Variants in MTFR1L observed in about 807,000 individuals in gnomAD.
MTFR1L encodes the protein mitochondrial fission regulator 1-like.
Under a neutral mutation model 27.9 loss-of-function variants are expected in MTFR1L, and 10 were observed. The observed-to-expected ratio is 0.36, with a 90% CI of 0.22 to 0.61. The LOEUF is 0.61. Among genes scored for constraint, MTFR1L ranks in the 20% least tolerant of loss-of-function variants. The probability of loss-of-function intolerance (pLI) is 0.73; values close to 1 mark genes in which losing one functional copy is unlikely to be tolerated. For missense variants in MTFR1L, 315 were observed against 363.7 expected (o/e 0.87, Z 1.09); for synonymous variants, 151 against 139.4 (o/e 1.08, Z -0.58).
chr1:25,822,747 C>T (rs571799856), intron 1 of MTFR1L: 15 of 539,248 alleles, frequency 2.8e-5, no homozygotes, highest in Admixed American at 2.3e-4. Flanking sequence ...AGGATGGTCT[C>T]GCTCTCCTGA....
chr1:25,829,889 A>T, intron 6 of MTFR1L, 59 bp downstream of exon 6: 2 of 1,381,972 alleles, frequency 1.4e-6, no homozygotes, highest in South Asian at 2.7e-5. Context: ...ATGGCCAATT[A>T]TGTAATGCAA....
chr1:25,829,021 A>T (rs1171207608), intron 5 of MTFR1L, among the ~76,000 whole-genome samples: 1 of 152,168 alleles, frequency 6.6e-6, no homozygotes, highest in Non-Finnish European at 1.5e-5. Flanking sequence ...AAACTGAGGA[A>T]ATTCTCTCCA....
chr1:25,831,862 A>AAAGAT, intron 6 of MTFR1L, 59 bp from the exon 7 acceptor site: 1 of 1,356,898 alleles, frequency 7.4e-7, no homozygotes, highest in Non-Finnish European at 1.1e-6. Context: ...AATGTATTCA[A>AAAGAT]AAGATATACA....
chr1:25,825,486 A>G (rs1348599130), intron 3 of MTFR1L: 2 of 152,112 alleles, frequency 1.3e-5, no homozygotes, highest in Non-Finnish European at 2.9e-5. Flanking sequence ...ACTGAATCCT[A>G]ATTTTTCACT....
chr1:25,824,955 C>A (rs899716341), intron 3 of MTFR1L, among the ~76,000 whole-genome samples: 1 of 152,092 alleles, frequency 6.6e-6, no homozygotes, highest in Non-Finnish European at 1.5e-5. Context: ...ATTTACTGAG[C>A]ACATACTATG....
At chr1:25,827,373 T>A (rs1282115262) in intron 5 of MTFR1L, among the ~76,000 whole-genome samples, 1 of 152,042 alleles carries the variant, frequency 6.6e-6, no homozygotes, top group Non-Finnish European at 1.5e-5. Context: ...TGACCTCAGA[T>A]GACCCACCCA....
In MTFR1L at chr1:25,829,627, C is replaced by T. The variant is rs199554729; in HGVS notation, c.570C>T (p.Thr190=). ...CTTCCTTTGTCATTAGTGACATCAC[C>T]GAGGAGACAGAGGTGGAGGTCCCTG... The part of the protein sequence containing the change: ...STTSFVISDI[T]EETEVEVPEL... The change falls in exon 6 of 7, where the codon ACC becomes ACT. Residue 190 remains threonine (T), a synonymous_variant. Coordinates refer to ENST00000374303, the MANE Select transcript of MTFR1L (RefSeq NM_001099625.2). The T allele has an allele frequency of 4.3e-4, 698 of 1,614,192 alleles. No homozygotes were observed. The highest frequency in any genetic ancestry group is 5.5e-4 in the Non-Finnish European group (653 of 1,180,036).
intron 6 of MTFR1L, 149 bp downstream of exon 6, chr1:25,829,979 C>CT: frequency 1.2e-6 from 1 of 848,732 alleles, no homozygotes; most frequent in South Asian, 1.9e-5. Context: ...TTGCCAGTGC[C>CT]TGGGGCCCCA....
At position 25,832,256 on chromosome 1, in the gene MTFR1L, G is replaced by A. The variant is rs1024109992; in HGVS notation, c.*230G>A. The A allele has an allele frequency of 4.9e-5, 63 of 1,285,932 alleles. No individual in the cohort carries two copies. Among genetic ancestry groups the A allele is most frequent in the Non-Finnish European group, 5.8e-5 (54 of 926,746 alleles). The allele number at this position is 1,285,932 out of a possible 1,614,324, so 79.7% of individuals were successfully genotyped here. A position where few individuals can be genotyped will look rare whatever the true frequency, so the allele number is the denominator to read the frequency against. On this transcript the variant is annotated 3_prime_UTR_variant, in exon 7 of 7. Coordinates refer to ENST00000374303, the MANE Select transcript of MTFR1L (RefSeq NM_001099625.2). The stretch of plus-strand genomic sequence containing the variant: ...CCTGAGACATTTGTTTCAGGTAATC[G>A]TGTAGAATGAAGTATCTTAGTTTAA...
In MTFR1L at chr1:25,826,515, A is replaced by G; in HGVS notation, c.240-100A>G. On this transcript the variant is annotated intron_variant, in intron 4 of 6. Coordinates refer to ENST00000374303, the MANE Select transcript of MTFR1L (RefSeq NM_001099625.2). The surrounding 1 kb of genome is among the most constrained non-coding windows in gnomAD (Gnocchi z 4.1). ...GAGAACTGTGGGCTCAGAGAGGAGC[A>G]GAACCTTACTATACTACTCTCACAG... is the stretch of plus-strand genomic sequence containing the variant. 1.3e-6 allele frequency: 2 copies of G among 1,578,546 alleles called. No homozygotes were observed. The highest frequency in any genetic ancestry group is 1.7e-6 in the Non-Finnish European group (2 of 1,148,946).
intron 1 of MTFR1L, 128 bp from the exon 2 acceptor site, chr1:25,822,891 T>C: frequency 1.4e-6 from 1 of 712,902 alleles, no homozygotes; most frequent in South Asian, 1.6e-5. Flanking sequence ...GGGCAGCCTC[T>C]TGGGCTGGTT....
chr1:25,823,334 C>T, intron 2 of MTFR1L: 1 of 726,944 alleles, frequency 1.4e-6, no homozygotes, highest in Non-Finnish European at 2.5e-6. Flanking sequence ...GTATGTCTGC[C>T]TTTCTGTACA....
chr1:25,832,047 T>G lies in MTFR1L; in HGVS notation c.*21T>G. 1.2e-6 allele frequency: 2 copies of G among 1,614,050 alleles called. No homozygotes were observed. Among genetic ancestry groups the G allele is most frequent in the East Asian group, 4.5e-5 (2 of 44,882 alleles). The stretch of plus-strand genomic sequence containing the variant: ...ATTGACAACCCTCAGCTCTGCAAAC[T>G]CAGTCTCATGCTCCTGGAATACCTT... On this transcript the variant is annotated 3_prime_UTR_variant, in exon 7 of 7. Coordinates refer to ENST00000374303, the MANE Select transcript of MTFR1L (RefSeq NM_001099625.2).
intron 1 of MTFR1L, chr1:25,822,793 T>C (rs1260918792): frequency 1.7e-6 from 1 of 596,074 alleles, no homozygotes; most frequent in East Asian, 2.8e-5. Context: ...CCCAAAGTGC[T>C]GGGATTACAG....
chr1:25,820,839 T>C (rs2048080914), intron 1 of MTFR1L: 2 of 389,288 alleles, frequency 5.1e-6, no homozygotes, highest in Middle Eastern at 3.9e-4. Flanking sequence ...AGTTATCTAG[T>C]TCCTCTCGCG....
intron 1 of MTFR1L, chr1:25,821,633 G>A (rs2048093721): frequency 1.3e-5 from 2 of 152,324 alleles, no homozygotes; most frequent in African/African-American, 4.8e-5. Context: ...CCTGTCCAGG[G>A]CTCCCCAGTG....
intron 6 of MTFR1L, among the ~76,000 whole-genome samples, chr1:25,830,486 ACTT>A (rs1340176628): frequency 6.6e-6 from 1 of 152,002 alleles, no homozygotes; most frequent in African/African-American, 2.4e-5. Flanking sequence ...ACCTTGAAAA[ACTT>A]CATCTGGCAA....
At position 25,832,116 on chromosome 1, in the gene MTFR1L, A is replaced by C; in HGVS notation, c.*90A>C. 13 of 1,604,034 alleles carry C rather than the reference A, an allele frequency of 8.1e-6. No homozygotes were observed. Among genetic ancestry groups the C allele is most frequent in the African/African-American group, 1.3e-5 (1 of 74,894 alleles). On this transcript the variant is annotated 3_prime_UTR_variant, in exon 7 of 7. Coordinates refer to ENST00000374303, the MANE Select transcript of MTFR1L (RefSeq NM_001099625.2). ...CCGCAGATGTTTCTGCCTCTTAAGG[A>C]TAGATCTTCTGCAACAGTCTTGCTG...
intron 3 of MTFR1L, 69 bp downstream of exon 3, chr1:25,823,817 G>A: frequency 6.4e-7 from 1 of 1,557,222 alleles, no homozygotes; most frequent in South Asian, 1.2e-5. Context: ...AAACCCCTTG[G>A]TACTGCCCAA....
Sources: allele counts gnomAD v4.1 joint callset (sites outside exome capture counted in the v4.1 genomes callset), GRCh38; gene constraint gnomAD v4.1.1; non-coding constraint Gnocchi (gnomAD v3.1); transcripts MANE v1.5; gene names NCBI Gene and HGNC (gene_info 2026-07-23, HGNC 2026-07-21).